Variants in ERBB4 observed in about 807,000 individuals in gnomAD.
ERBB4 encodes erb-b2 receptor tyrosine kinase 4, also known as receptor tyrosine-protein kinase erbB-4.
ERBB4 carries 42 observed loss-of-function variants against 158.0 expected under a neutral mutation model. The ratio of observed to expected loss-of-function variants is 0.27; its 90% CI spans 0.21 to 0.34. The LOEUF (loss-of-function observed/expected upper bound fraction) is 0.34. Ranked by LOEUF, ERBB4 falls within the 10% of genes least tolerant of loss-of-function variation. ERBB4 has a pLI of 1.00. For missense variants in ERBB4, 1,333 were observed against 1,624.1 expected, an observed-to-expected ratio of 0.82 and a Z score of 3.08; for synonymous variants, 583 against 558.7, an observed-to-expected ratio of 1.04 and a Z score of -0.61.
intron 3 of ERBB4, among the ~76,000 whole-genome samples, chr2:211,799,468 C>T (rs1330368003): frequency 6.6e-6 from 1 of 152,140 alleles, no homozygotes; most frequent in Non-Finnish European, 1.5e-5. Context: ...ACATGTCTAA[C>T]AATGCCAGAT....
intron 1 of ERBB4, among the ~76,000 whole-genome samples, chr2:212,467,141 G>A (rs113629082): frequency 0.032 from 4,919 of 152,246 alleles, 136 homozygotes; most frequent in African/African-American, 0.076. Context: ...GTTTCAAAAG[G>A]AAAACAGAGT....
chr2:212,196,575 T>C (rs966421674), intron 1 of ERBB4, among the ~76,000 whole-genome samples: 2 of 152,142 alleles, frequency 1.3e-5, no homozygotes, highest in Non-Finnish European at 2.9e-5. Flanking sequence ...TAATTTAGAC[T>C]GAAAATTCTA....
chr2:212,525,351 T>A (rs1305626335), intron 1 of ERBB4, among the ~76,000 whole-genome samples: 1 of 151,836 alleles, frequency 6.6e-6, no homozygotes, highest in East Asian at 1.9e-4. Flanking sequence ...AAAACCTTAA[T>A]CAACAGAGAA....
chr2:212,464,488 A>T (rs1036560426), intron 1 of ERBB4, among the ~76,000 whole-genome samples: 2 of 152,138 alleles, frequency 1.3e-5, no homozygotes, highest in Admixed American at 6.5e-5. Context: ...ATTAATACTT[A>T]GACATTTTAA....
At chr2:212,343,378 G>A (rs1164977226) in intron 1 of ERBB4, among the ~76,000 whole-genome samples, 1 of 152,110 alleles carries the variant, frequency 6.6e-6, no homozygotes, top group African/African-American at 2.4e-5. Context: ...GTATTCAGGT[G>A]AAATTAAATT....
intron 1 of ERBB4, among the ~76,000 whole-genome samples, chr2:212,516,428 A>C (rs1691847649): frequency 6.6e-6 from 1 of 152,082 alleles, no homozygotes; most frequent in Admixed American, 6.6e-5. Flanking sequence ...GAAAAATGTC[A>C]GACAACATGA....
chr2:211,591,374 T>C (rs1175118933), intron 19 of ERBB4, among the ~76,000 whole-genome samples: 2 of 152,228 alleles, frequency 1.3e-5, no homozygotes, highest in Non-Finnish European at 2.9e-5. Context: ...GTTTTATCTC[T>C]TCTCACTTCA....
At chr2:211,703,622 T>A (rs1288192596) in intron 11 of ERBB4, among the ~76,000 whole-genome samples, 1 of 152,012 alleles carries the variant, frequency 6.6e-6, no homozygotes, top group Admixed American at 6.6e-5. Flanking sequence ...TAAACCTGAA[T>A]TTTTTTTGTC....
At chr2:211,830,447 C>T (rs1337518310) in intron 3 of ERBB4, among the ~76,000 whole-genome samples, 2 of 152,012 alleles carry the variant, frequency 1.3e-5, no homozygotes, top group African/African-American at 4.8e-5. Context: ...TTATTTCGTA[C>T]CACTTCTATT....
intron 2 of ERBB4, among the ~76,000 whole-genome samples, chr2:212,068,588 C>T (rs1475182634): frequency 1.3e-5 from 2 of 152,044 alleles, no homozygotes; most frequent in Non-Finnish European, 2.9e-5. Flanking sequence ...CCTGAAGTAA[C>T]CTGATGTTAA....
intron 2 of ERBB4, among the ~76,000 whole-genome samples, chr2:211,960,306 A>G (rs895627870): frequency 6.6e-6 from 1 of 152,148 alleles, no homozygotes; most frequent in South Asian, 2.1e-4. Flanking sequence ...TTCCTGGCCA[A>G]TGATGAGGTA....
chr2:212,022,345 T>C (rs1047657294), intron 2 of ERBB4, among the ~76,000 whole-genome samples: 1 of 152,124 alleles, frequency 6.6e-6, no homozygotes, highest in African/African-American at 2.4e-5. Context: ...TAAAATACTA[T>C]GCAGCCATAA....
intron 13 of ERBB4, among the ~76,000 whole-genome samples, chr2:211,677,670 C>T (rs935255330): frequency 4.2e-4 from 64 of 151,220 alleles, no homozygotes; most frequent in African/African-American, 1.4e-3. Context: ...GTCAGGAGAT[C>T]GAGACCATCC....
At chr2:212,053,059 C>G (rs759520649) in intron 2 of ERBB4, among the ~76,000 whole-genome samples, 1 of 152,104 alleles carries the variant, frequency 6.6e-6, no homozygotes, top group African/African-American at 2.4e-5. Context: ...TGGCTCATGC[C>G]TAAAGCCCAG....
chr2:212,494,125 A>C (rs1488444021), intron 1 of ERBB4, among the ~76,000 whole-genome samples: 2 of 151,910 alleles, frequency 1.3e-5, no homozygotes, highest in African/African-American at 4.8e-5. Flanking sequence ...CTTTTTCCAC[A>C]TTGAAACAAG....
intron 3 of ERBB4, among the ~76,000 whole-genome samples, chr2:211,916,708 T>C (rs2079701672): frequency 6.6e-6 from 1 of 152,138 alleles, no homozygotes; most frequent in Admixed American, 6.6e-5. Context: ...ACTTATTGCT[T>C]GTATGTATGT....
rs1367132122 is a variant in ERBB4 at position 211,416,077 on chromosome 2, A to G, written c.3135+4364T>C. On this transcript the variant is annotated intron_variant, in intron 25 of 27. Transcript: ENST00000342788. The stretch of plus-strand genomic sequence containing the variant: ...ATATGTTTTGACAGAGGAGCATTTA[A>G]TCTTAAAACTATTGCTTACAAATGA... 2.0e-5 allele frequency among the ~76,000 whole-genome samples: 3 copies of G among 152,210 alleles called. No individual in the cohort carries two copies. The East Asian group carries it at 5.8e-4, about 29-fold the overall frequency.
intron 19 of ERBB4, among the ~76,000 whole-genome samples, chr2:211,612,110 C>G (rs182027213): frequency 1.8e-4 from 27 of 152,036 alleles, no homozygotes; most frequent in Non-Finnish European, 3.7e-4. Context: ...CTATAAATAC[C>G]TAAGAAAAAT....
intron 2 of ERBB4, among the ~76,000 whole-genome samples, chr2:212,003,878 T>C (rs2076200417): frequency 6.6e-6 from 1 of 152,136 alleles, no homozygotes; most frequent in African/African-American, 2.4e-5. Flanking sequence ...ATATATTTTC[T>C]CTAAGCTCCA....
Sources: allele counts gnomAD v4.1 joint callset (sites outside exome capture counted in the v4.1 genomes callset), GRCh38; gene constraint gnomAD v4.1.1; transcripts MANE v1.5; gene names NCBI Gene and HGNC (gene_info 2026-07-23, HGNC 2026-07-21).